Variants in ZNF486 observed in about 807,000 individuals in gnomAD.
The protein encoded by ZNF486 is zinc finger protein 486.
Under a neutral mutation model 12.8 loss-of-function variants are expected in ZNF486, and 12 were observed. The observed-to-expected ratio is 0.94, with a 90% CI of 0.60 to 1.52. ZNF486 has a LOEUF of 1.52. ZNF486 is among the 40% of genes most tolerant of loss of function. The pLI is 0.00. For synonymous variants in ZNF486, 231 were observed against 184.9 expected (o/e 1.25, Z -2.02); for missense variants, 738 against 545.0 (o/e 1.35, Z -3.53).
At chr19:20,195,227 G>A (rs999649450) in intron 3 of ZNF486, among the ~76,000 whole-genome samples, 7 of 152,154 alleles carry the variant, frequency 4.6e-5, no homozygotes, top group African/African-American at 1.7e-4. Context: ...GCAGTACAGT[G>A]GTACAATCTC....
At chr19:20,186,452 T>C (rs782786108) in intron 3 of ZNF486, among the ~76,000 whole-genome samples, 10 of 152,188 alleles carry the variant, frequency 6.6e-5, no homozygotes, top group Non-Finnish European at 1.3e-4. Context: ...AGTTGTCTTT[T>C]TGCTTCAGAT....
chr19:20,184,903 G>A (rs1379974229), intron 2 of ZNF486, among the ~76,000 whole-genome samples: 3 of 152,026 alleles, frequency 2.0e-5, no homozygotes, highest in Non-Finnish European at 4.4e-5. Context: ...CCTGAAGTTG[G>A]GAGTTTGAGA....
chr19:20,196,538 C>T (rs2089960030), intron 3 of ZNF486, among the ~76,000 whole-genome samples: 1 of 152,060 alleles, frequency 6.6e-6, no homozygotes. Context: ...CCATCTTGGC[C>T]AGGATGGCCT....
intron 1 of ZNF486, among the ~76,000 whole-genome samples, chr19:20,183,625 G>T (rs553559408): frequency 2.6e-5 from 4 of 152,064 alleles, no homozygotes; most frequent in African/African-American, 9.7e-5. Context: ...GCAGTTAATG[G>T]TTAATGATTC....
At position 20,198,396 on chromosome 19, in the gene ZNF486, C is replaced by A. The variant is rs568868009; in HGVS notation, c.*294C>A. The A allele has an allele frequency of 4.6e-5, 15 of 325,216 alleles. No homozygotes were observed. The highest frequency in any genetic ancestry group is 4.2e-4 in the Middle Eastern group (1 of 2,358). 20.1% of individuals were successfully genotyped at this position (325,216 alleles called of 1,614,324 possible). A position where few individuals can be genotyped will look rare whatever the true frequency, so the allele number is the denominator to read the frequency against. ...GGGGTTACAGGCATGAGCCACTGTGCCTGGCTGACAAAGCTTTTTAAGGAA... is the reference window on the plus strand; with the variant it reads ...GGGGTTACAGGCATGAGCCACTGTGACTGGCTGACAAAGCTTTTTAAGGAA... On this transcript the variant is annotated 3_prime_UTR_variant, in exon 4 of 4. Transcript: ENST00000335117.
intron 1 of ZNF486, among the ~76,000 whole-genome samples, chr19:20,175,647 G>C (rs1555714611): frequency 2.0e-5 from 3 of 151,928 alleles, no homozygotes; most frequent in African/African-American, 4.8e-5. Flanking sequence ...CAGGGTTGGG[G>C]GTAAGGTCAG....
chr19:20,189,676 A>G (rs1568324763), intron 3 of ZNF486, among the ~76,000 whole-genome samples: 1 of 152,166 alleles, frequency 6.6e-6, no homozygotes, highest in Non-Finnish European at 1.5e-5. Context: ...AAATCAAGTT[A>G]TTGAACTTTA....
chr19:20,180,924 G>T (rs1555715442), intron 1 of ZNF486, among the ~76,000 whole-genome samples: 3 of 152,136 alleles, frequency 2.0e-5, no homozygotes. Flanking sequence ...TTGTGTATTA[G>T]TATATAGTAT....
intron 1 of ZNF486, 98 bp from the exon 2 acceptor site, chr19:20,184,258 A>G: frequency 1.3e-6 from 2 of 1,539,850 alleles, no homozygotes; most frequent in Non-Finnish European, 1.8e-6. Context: ...TCAATCCTAT[A>G]AGTAAGAATC....
intron 1 of ZNF486, chr19:20,175,350 T>TTTTTTTTTTTTTTTTTTA (rs1296618035): frequency 7.0e-6 from 1 of 142,068 alleles, no homozygotes; most frequent in East Asian, 2.1e-4. Context: ...TTTTTTTTTT[T>TTTTTTTTTTTTTTTTTTA]ATTGATCATT....
At position 20,193,130 on chromosome 19, in the gene ZNF486, AAT is replaced by A. The variant is rs199923056; in HGVS notation, c.254-3831_254-3830del. The stretch of plus-strand genomic sequence containing the variant: ...ATTACATACATCTTAAAGTTAAAAC[AAT>A]ATGTTTCAATCTCATAACTTCAACT... On this transcript the variant is annotated intron_variant, in intron 3 of 3. Coordinates refer to ENST00000335117, the MANE Select transcript of ZNF486 (RefSeq NM_052852.4). Among the ~76,000 whole-genome samples, 1,399 of 152,290 alleles carry A rather than the reference AAT, an allele frequency of 9.2e-3. 25 individuals are homozygous for A. Among genetic ancestry groups the A allele is most frequent in the African/African-American group, 0.032 (1,341 of 41,570 alleles).
intron 1 of ZNF486, among the ~76,000 whole-genome samples, chr19:20,168,069 A>G (rs1339719618): frequency 6.6e-6 from 1 of 152,060 alleles, no homozygotes; most frequent in African/African-American, 2.4e-5. Flanking sequence ...TGGGGTTAAA[A>G]ACCCATTCCT....
intron 3 of ZNF486, among the ~76,000 whole-genome samples, chr19:20,191,259 C>T (rs2089899051): frequency 6.6e-6 from 1 of 151,852 alleles, no homozygotes; most frequent in Non-Finnish European, 1.5e-5. Context: ...ATCATGAGGT[C>T]AGGAGATCGA....
Position 20,197,627 on chromosome 19 carries a change from C to T in ZNF486, c.917C>T (p.Pro306Leu). ...GAATGTGACAAAGCTTTTAACCATC[C>T]TGCAACTCTTTCTTCACATAAGAAA... Reference protein sequence around the residue: ...CKECDKAFNHPATLSSHKKIH... With the variant: ...CKECDKAFNHLATLSSHKKIH... Residue 306 changes from proline to leucine, a missense_variant, in exon 4 of 4, where the codon CCT becomes CTT. By Grantham distance (98) the Pro-to-Leu change is moderately conservative. Coordinates refer to ENST00000335117, the MANE Select transcript of ZNF486 (RefSeq NM_052852.4). The T allele has an allele frequency of 6.2e-7, 1 of 1,613,784 alleles. No homozygotes were observed. The highest frequency in any genetic ancestry group is 1.3e-5 in the African/African-American group (1 of 74,982).
chr19:20,184,453 T>C lies in ZNF486; in HGVS notation c.128T>C (p.Leu43Ser). Residue 43 changes from leucine (L) to serine (S), a missense_variant, in exon 2 of 4, where the codon TTA (leucine) becomes TCA (serine). Physicochemically the swap from Leu to Ser is moderately radical, Grantham distance 145. Transcript: ENST00000335117. ...AQQNLYRDVMLENYRHLVFLG... is the reference protein window; with the variant it reads ...AQQNLYRDVMSENYRHLVFLG... The stretch of plus-strand genomic sequence containing the variant: ...CAGAATTTATATAGGGATGTGATGT[T>C]AGAGAACTACAGACACCTGGTCTTC... 2.5e-6 allele frequency: 4 copies of C among 1,613,286 alleles called. No homozygotes were observed. The highest frequency in any genetic ancestry group is 3.4e-6 in the Non-Finnish European group (4 of 1,179,592).
intron 1 of ZNF486, among the ~76,000 whole-genome samples, chr19:20,168,559 C>G (rs1405482481): frequency 6.6e-6 from 1 of 151,556 alleles, no homozygotes; most frequent in Admixed American, 6.6e-5. Context: ...GAGGCTGAGG[C>G]AGGAGAGTTG....
chr19:20,172,692 T>A (rs1599694906), intron 1 of ZNF486, among the ~76,000 whole-genome samples: 1 of 150,184 alleles, frequency 6.7e-6, no homozygotes, highest in African/African-American at 2.5e-5. Context: ...TAGACTGGAG[T>A]GCAGTGGCAC....
Position 20,198,680 on chromosome 19 carries a change from C to T in ZNF486, c.*578C>T. The T allele has an allele frequency of 6.5e-6, 1 of 153,584 alleles. No homozygotes were observed. The highest frequency in any genetic ancestry group is 1.4e-5 in the Non-Finnish European group (1 of 69,104). 9.5% of individuals were successfully genotyped at this position (153,584 alleles called of 1,614,324 possible). On this transcript the variant is annotated 3_prime_UTR_variant, in exon 4 of 4. Coordinates refer to ENST00000335117, the MANE Select transcript of ZNF486 (RefSeq NM_052852.4). ...TGGGATTACAGGTGCCACCACCATT[C>T]CCAGCTAATTTTTGTATTTTTAGTA... is the stretch of plus-strand genomic sequence containing the variant.
intron 3 of ZNF486, among the ~76,000 whole-genome samples, chr19:20,196,016 T>C (rs1264707642): frequency 2.0e-5 from 3 of 152,238 alleles, no homozygotes; most frequent in Admixed American, 1.3e-4. Context: ...GTTGGCAATT[T>C]ACATTTTTGT....
Sources: allele counts gnomAD v4.1 joint callset (sites outside exome capture counted in the v4.1 genomes callset), GRCh38; gene constraint gnomAD v4.1.1; transcripts MANE v1.5; gene names NCBI Gene and HGNC (gene_info 2026-07-23, HGNC 2026-07-21).